The following CBLB variants were observed in gnomAD, a reference collection of about 807,000 sequenced individuals.
CBLB encodes Cbl proto-oncogene B.
In CBLB, 31 loss-of-function variants were observed where a neutral mutation model predicts 104.9. That is an observed-to-expected ratio of 0.30 (90% CI 0.22 to 0.40). The LOEUF (loss-of-function observed/expected upper bound fraction) is 0.40. Among genes scored for constraint, CBLB ranks in the 10% least tolerant of loss-of-function variants. The pLI, the probability that CBLB is intolerant of heterozygous loss-of-function variation, is 1.00. For missense variants in CBLB, 1,062 were observed against 1,214.6 expected, an observed-to-expected ratio of 0.87 and a Z score of 1.87; for synonymous variants, 440 against 422.6, an observed-to-expected ratio of 1.04 and a Z score of -0.51.
chr3:105,710,174 T>C (rs111520898), intron 10 of CBLB, among the ~76,000 whole-genome samples: 56 of 152,054 alleles, frequency 3.7e-4, no homozygotes, highest in Admixed American at 1.8e-3. Context: ...AGTTAAATTT[T>C]TCTGACTTTT....
intron 2 of CBLB, among the ~76,000 whole-genome samples, chr3:105,857,947 T>A (rs1023298529): frequency 2.0e-5 from 3 of 152,182 alleles, no homozygotes; most frequent in Admixed American, 2.0e-4. Flanking sequence ...AGGAAATACA[T>A]ACTTAAATTT....
chr3:105,783,493 C>T lies in CBLB; in HGVS notation c.420-6951G>A, dbSNP rs889999457. Reference sequence around the variant, plus strand: ...ATGGCCTTGTACAATTCAGAAACAGCAAACAATGGGCAAGTATTTGATACA... The same window carrying T: ...ATGGCCTTGTACAATTCAGAAACAGTAAACAATGGGCAAGTATTTGATACA... On this transcript the variant is annotated intron_variant, in intron 3 of 18. Coordinates refer to ENST00000394030, the MANE Select transcript of CBLB (RefSeq NM_170662.5). 1.5e-4 allele frequency among the ~76,000 whole-genome samples: 23 copies of T among 152,084 alleles called. No homozygotes were observed. In the East Asian group the frequency reaches 4.5e-3, roughly 30 times the overall value.
intron 13 of CBLB, among the ~76,000 whole-genome samples, chr3:105,693,115 C>A (rs1213062474): frequency 6.6e-6 from 1 of 151,782 alleles, no homozygotes; most frequent in Non-Finnish European, 1.5e-5. Context: ...AATGAGAAAC[C>A]TGGTGGAACC....
chr3:105,857,086 G>A (rs902437058), intron 2 of CBLB, among the ~76,000 whole-genome samples: 11 of 152,082 alleles, frequency 7.2e-5, no homozygotes, highest in African/African-American at 2.7e-4. Flanking sequence ...CTAGTTTGGG[G>A]ACCAGGTAGC....
chr3:105,834,422 C>A (rs62256354), intron 3 of CBLB, among the ~76,000 whole-genome samples: 1 of 152,006 alleles, frequency 6.6e-6, no homozygotes. Context: ...TTTGGGAGGC[C>A]GAGGCGGGTG....
intron 3 of CBLB, among the ~76,000 whole-genome samples, 180 bp from the exon 4 acceptor site, chr3:105,776,722 C>T (rs1353387014): frequency 1.3e-5 from 2 of 151,930 alleles, no homozygotes; most frequent in African/African-American, 4.8e-5. Context: ...AAACATTGTA[C>T]ATTTAAATTC....
chr3:105,764,739 C>A (rs62261495), intron 4 of CBLB, among the ~76,000 whole-genome samples: 10,153 of 152,180 alleles, frequency 0.067, 498 homozygotes, highest in Admixed American at 0.15. Context: ...AGGCCTCTTG[C>A]ACCAAACAGT....
chr3:105,862,786 A>T (rs2092194583), intron 2 of CBLB, among the ~76,000 whole-genome samples: 1 of 152,008 alleles, frequency 6.6e-6, no homozygotes, highest in Admixed American at 6.6e-5. Context: ...CTTACTCAAC[A>T]ATCTATCATT....
chr3:105,847,428 A>ACACACC lies in CBLB; in HGVS notation c.419+5985_419+5986insGGTGTG, dbSNP rs373356636. On this transcript the variant is annotated intron_variant, in intron 3 of 18. Coordinates refer to ENST00000394030, the MANE Select transcript of CBLB (RefSeq NM_170662.5). ...CACACACACACACACACACACACAC[A>ACACACC]CCCCATTTTGTCATTTATTTTTTCT... Among the ~76,000 whole-genome samples the ACACACC allele has an allele frequency of 6.6e-3, 960 of 146,476 alleles. 9 individuals carry two copies. The highest frequency in any genetic ancestry group is 0.023 in the African/African-American group (917 of 39,112).
chr3:105,771,228 G>A (rs936156813), intron 4 of CBLB, among the ~76,000 whole-genome samples: 1 of 152,070 alleles, frequency 6.6e-6, no homozygotes, highest in African/African-American at 2.4e-5. Flanking sequence ...TACAAGGACA[G>A]TTTAACATAT....
chr3:105,842,052 T>C (rs2089627259), intron 3 of CBLB, among the ~76,000 whole-genome samples: 1 of 151,696 alleles, frequency 6.6e-6, no homozygotes, highest in African/African-American at 2.4e-5. Context: ...TCCAGTTCAA[T>C]AAAGATAATG....
At chr3:105,784,129 A>G (rs904588023) in intron 3 of CBLB, among the ~76,000 whole-genome samples, 2 of 152,216 alleles carry the variant, frequency 1.3e-5, no homozygotes, top group African/African-American at 2.4e-5. Context: ...TATATATTTC[A>G]ATAAGGAAAA....
chr3:105,763,803 T>C (rs1371026142), intron 4 of CBLB, among the ~76,000 whole-genome samples: 3 of 152,214 alleles, frequency 2.0e-5, no homozygotes, highest in East Asian at 1.9e-4. Context: ...CACAGTTTCA[T>C]GTATAGTGGC....
intron 12 of CBLB, among the ~76,000 whole-genome samples, chr3:105,695,190 T>C (rs2068197748): frequency 6.6e-6 from 1 of 151,810 alleles, no homozygotes. Context: ...AGTTTGTTAT[T>C]TTAGGACAAA....
At chr3:105,787,749 C>G (rs1196839828) in intron 3 of CBLB, among the ~76,000 whole-genome samples, 1 of 152,146 alleles carries the variant, frequency 6.6e-6, no homozygotes, top group Non-Finnish European at 1.5e-5. Flanking sequence ...TAAAAACTTT[C>G]AATTAGTATA....
intron 3 of CBLB, among the ~76,000 whole-genome samples, chr3:105,815,980 G>C (rs868127226): frequency 2.6e-5 from 4 of 152,040 alleles, no homozygotes; most frequent in Admixed American, 6.6e-5. Flanking sequence ...GCATGTTCTC[G>C]CTCATAAGTG....
At chr3:105,701,123 A>T (rs1428991307) in intron 12 of CBLB, among the ~76,000 whole-genome samples, 1 of 152,194 alleles carries the variant, frequency 6.6e-6, no homozygotes, top group Non-Finnish European at 1.5e-5. Flanking sequence ...ACCTCTGCCA[A>T]GGAACTACCA....
chr3:105,680,820 TA>T (rs1391951662), intron 16 of CBLB, among the ~76,000 whole-genome samples: 1 of 152,204 alleles, frequency 6.6e-6, no homozygotes, highest in Non-Finnish European at 1.5e-5. Context: ...TTCTGTCTTC[TA>T]AAAACAGGGT....
chr3:105,767,421 G>A (rs1216676824), intron 4 of CBLB, among the ~76,000 whole-genome samples: 1 of 152,006 alleles, frequency 6.6e-6, no homozygotes, highest in Non-Finnish European at 1.5e-5. Context: ...TGCTTTTGCA[G>A]GAAATCAATC....
Sources: allele counts gnomAD v4.1 joint callset (sites outside exome capture counted in the v4.1 genomes callset), GRCh38; gene constraint gnomAD v4.1.1; transcripts MANE v1.5; gene names NCBI Gene and HGNC (gene_info 2026-07-23, HGNC 2026-07-21).